The following FAT3 variants were observed in gnomAD, a reference collection of about 807,000 sequenced individuals.
FAT3 encodes the protein FAT atypical cadherin 3, also known as protocadherin Fat 3.
FAT3 carries 95 observed loss-of-function variants against 310.2 expected under a neutral mutation model. The observed-to-expected ratio is 0.31, with a 90% CI of 0.26 to 0.36. The LOEUF (loss-of-function observed/expected upper bound fraction) is 0.36. Ranked by LOEUF, FAT3 falls within the 10% of genes least tolerant of loss-of-function variation. FAT3 has a pLI of 1.00. For synonymous variants in FAT3, 2,314 were observed against 2,192.9 expected (o/e 1.06, Z -1.54); for missense variants, 5,408 against 5,715.6 (o/e 0.95, Z 1.74).
At chr11:92,398,114 A>T (rs1591227419) in intron 2 of FAT3, among the ~76,000 whole-genome samples, 1 of 152,198 alleles carries the variant, frequency 6.6e-6, no homozygotes, top group East Asian at 1.9e-4. Flanking sequence ...GGTGGTTGCC[A>T]GCACTCCTTG....
chr11:92,848,630 G>A (rs972186372), intron 19 of FAT3, among the ~76,000 whole-genome samples: 11 of 152,274 alleles, frequency 7.2e-5, no homozygotes, highest in African/African-American at 2.4e-4. Flanking sequence ...GTTTATGGGT[G>A]TGGTGGAAGA....
intron 3 of FAT3, among the ~76,000 whole-genome samples, chr11:92,610,858 G>T (rs183925657): frequency 6.6e-6 from 1 of 152,272 alleles, no homozygotes; most frequent in Admixed American, 6.5e-5. Context: ...ATGATTGAGT[G>T]CATAAAGACT....
intron 1 of FAT3, among the ~76,000 whole-genome samples, chr11:92,225,646 G>GACCCCTA (rs1863873925): frequency 6.6e-6 from 1 of 152,124 alleles, no homozygotes; most frequent in Admixed American, 6.6e-5. Context: ...GGTGCAAGTT[G>GACCCCTA]GGTCATCGCT....
At chr11:92,685,471 A>G (rs1388844618) in intron 3 of FAT3, among the ~76,000 whole-genome samples, 1 of 152,106 alleles carries the variant, frequency 6.6e-6, no homozygotes, top group Non-Finnish European at 1.5e-5. Context: ...TATAAATGCT[A>G]AATGAATATT....
chr11:92,722,333 C>G (rs1565540718), intron 4 of FAT3, among the ~76,000 whole-genome samples: 1 of 152,210 alleles, frequency 6.6e-6, no homozygotes, highest in Non-Finnish European at 1.5e-5. Flanking sequence ...CCAAAATGAT[C>G]TCCTTTGACT....
chr11:92,462,762 A>G (rs376141574), intron 2 of FAT3, among the ~76,000 whole-genome samples: 18 of 152,262 alleles, frequency 1.2e-4, no homozygotes, highest in African/African-American at 4.3e-4. Flanking sequence ...TCAGTGACAG[A>G]TTTTCCTTTG....
chr11:92,875,893 T>C (rs1161960393), intron 22 of FAT3, among the ~76,000 whole-genome samples: 1 of 152,216 alleles, frequency 6.6e-6, no homozygotes, highest in African/African-American at 2.4e-5. Context: ...CTAGAGGTAG[T>C]GTCTTATTTT....
chr11:92,511,531 C>CAT (rs1953289917), intron 2 of FAT3, among the ~76,000 whole-genome samples: 1 of 152,144 alleles, frequency 6.6e-6, no homozygotes, highest in South Asian at 2.1e-4. Context: ...TAGCCACCAT[C>CAT]ATAGGATAGA....
At chr11:92,583,040 G>T (rs1938902645) in intron 3 of FAT3, among the ~76,000 whole-genome samples, 1 of 150,062 alleles carries the variant, frequency 6.7e-6, no homozygotes, top group South Asian at 2.1e-4. Context: ...TCCTTTATTA[G>T]ACTATTATAG....
At chr11:92,474,213 C>T (rs368970835) in intron 2 of FAT3, among the ~76,000 whole-genome samples, 1 of 152,254 alleles carries the variant, frequency 6.6e-6, no homozygotes, top group South Asian at 2.1e-4. Flanking sequence ...AGCTCCTAGA[C>T]CAGCTAATAA....
intron 2 of FAT3, among the ~76,000 whole-genome samples, chr11:92,442,104 TA>T (rs1280573866): frequency 0.058 from 1,218 of 21,082 alleles, 11 homozygotes; most frequent in Non-Finnish European, 0.11. Flanking sequence ...TATATATATA[TA>T]TATATATTTT....
intron 2 of FAT3, among the ~76,000 whole-genome samples, chr11:92,483,832 T>C (rs1409600869): frequency 2.0e-5 from 3 of 152,238 alleles, no homozygotes; most frequent in African/African-American, 7.2e-5. Context: ...TGCATTTATG[T>C]ATTAAATTCT....
chr11:92,885,848 G>A (rs150416394), intron 24 of FAT3, among the ~76,000 whole-genome samples: 1 of 152,286 alleles, frequency 6.6e-6, no homozygotes, highest in Non-Finnish European at 1.5e-5. Context: ...CAACATGGCT[G>A]TTAGGAGGTG....
At chr11:92,653,358 T>C (rs529127433) in intron 3 of FAT3, among the ~76,000 whole-genome samples, 1 of 152,140 alleles carries the variant, frequency 6.6e-6, no homozygotes, top group Non-Finnish European at 1.5e-5. Context: ...GTCATGCCAG[T>C]GGCCCACATC....
intron 1 of FAT3, among the ~76,000 whole-genome samples, chr11:92,258,557 A>G (rs532440781): frequency 6.6e-6 from 1 of 151,974 alleles, no homozygotes; most frequent in Admixed American, 6.6e-5. Flanking sequence ...GTTTCATTTG[A>G]TTGGAGTTTT....
intron 3 of FAT3, among the ~76,000 whole-genome samples, chr11:92,635,269 C>A (rs1941722718): frequency 6.6e-6 from 1 of 152,038 alleles, no homozygotes; most frequent in Admixed American, 6.5e-5. Context: ...GACCTACTCT[C>A]CTACAGAATA....
chr11:92,675,958 G>A (rs754513495), intron 3 of FAT3, among the ~76,000 whole-genome samples: 2 of 152,080 alleles, frequency 1.3e-5, no homozygotes, highest in South Asian at 4.1e-4. Context: ...GGATGTTCTG[G>A]TCTTTTGTTT....
At chr11:92,566,735 A>G (rs568792890) in intron 3 of FAT3, among the ~76,000 whole-genome samples, 33 of 152,188 alleles carry the variant, frequency 2.2e-4, no homozygotes, top group Admixed American at 5.2e-4. Flanking sequence ...ATAACACCGT[A>G]TATGTACAAC....
chr11:92,762,418 G>A (rs1946176273), intron 5 of FAT3, among the ~76,000 whole-genome samples: 1 of 152,052 alleles, frequency 6.6e-6, no homozygotes, highest in African/African-American at 2.4e-5. Flanking sequence ...GCCACAGCCT[G>A]TTTCACCACA....
Sources: gnomAD v4.1 joint callset for allele counts (sites outside exome capture counted in the v4.1 genomes callset) on GRCh38, gnomAD v4.1.1 for gene constraint, MANE v1.5 for transcripts, NCBI Gene and HGNC (gene_info 2026-07-23, HGNC 2026-07-21) for gene names.